Variants in MARCHF5 observed in about 807,000 individuals in gnomAD.
MARCHF5 encodes E3 ubiquitin-protein ligase MARCHF5.
MARCHF5 carries 5 observed loss-of-function variants against 36.5 expected under a neutral mutation model. The observed-to-expected ratio is 0.14, with a 90% CI of 0.07 to 0.29. The LOEUF is 0.29. Ranked by LOEUF, MARCHF5 falls within the 10% of genes least tolerant of loss-of-function variation. The probability of loss-of-function intolerance (pLI) is 1.00; values close to 1 mark genes in which losing one functional copy is unlikely to be tolerated. For missense variants in MARCHF5, 179 were observed against 336.3 expected (o/e 0.53, Z 3.66); for synonymous variants, 103 against 109.9 (o/e 0.94, Z 0.39).
At chr10:92,325,686 T>C (rs1439061673) in intron 2 of MARCHF5, among the ~76,000 whole-genome samples, 6 of 152,174 alleles carry the variant, frequency 3.9e-5, no homozygotes, top group Non-Finnish European at 7.4e-5. Flanking sequence ...TATTTATGTA[T>C]TATTTATTTG....
chr10:92,291,499 C>A lies in MARCHF5; in HGVS notation c.5C>A (p.Pro2Gln), dbSNP rs764695362. The A allele has an allele frequency of 9.0e-6, 14 of 1,548,428 alleles. No homozygotes were observed. In the South Asian group the frequency reaches 1.5e-4, roughly 17 times the overall value. Residue 2 changes from proline (P) to glutamine (Q), a missense_variant, in exon 1 of 6, where the codon CCG (proline) becomes CAG (glutamine). Physicochemically the swap from Pro to Gln is moderately conservative, Grantham distance 76. Around this residue, in one of 3 missense-constraint regions of MARCHF5, gnomAD observed 18 missense variants for 16.3 expected, o/e 1.11. Coordinates refer to ENST00000358935, the MANE Select transcript of MARCHF5 (RefSeq NM_017824.5). ...TGTGCGCCGGCTCCGCGGAAGATGC[C>A]GGACCAAGCCCTACAGCAGATGCTG... MPDQALQQMLDR... is the reference protein window; with the variant it reads MQDQALQQMLDR...
chr10:92,332,403 A>G (rs1843446262), intron 2 of MARCHF5, among the ~76,000 whole-genome samples: 1 of 152,080 alleles, frequency 6.6e-6, no homozygotes, highest in Non-Finnish European at 1.5e-5. Context: ...AACTTACATA[A>G]GCGACTTTTC....
intron 2 of MARCHF5, among the ~76,000 whole-genome samples, 186 bp from the exon 3 acceptor site, chr10:92,340,487 A>T (rs1295767505): frequency 6.6e-6 from 1 of 152,224 alleles, no homozygotes; most frequent in Non-Finnish European, 1.5e-5. Context: ...CAAGAGGATC[A>T]CTTGAACCCA....
rs1230121921 is a variant in MARCHF5 at position 92,317,035 on chromosome 10, AGAG to A, written c.238+5702_238+5704del. On this transcript the variant is annotated intron_variant, in intron 2 of 5. Transcript: ENST00000358935. The stretch of plus-strand genomic sequence containing the variant: ...TAACCTTGTTCAGGCAGAAGAATTC[AGAG>A]GAGAGCATCTCAAAGGTAGAGAGAT... Among the ~76,000 whole-genome samples, 12 of 152,320 alleles carry A rather than the reference AGAG, an allele frequency of 7.9e-5. No individual in the cohort carries two copies. The East Asian group carries it at 1.3e-3, about 17-fold the overall frequency.
rs1590637659 is a variant in MARCHF5 at position 92,291,386 on chromosome 10, G to C, written c.-109G>C. On this transcript the variant is annotated 5_prime_UTR_variant, in exon 1 of 6. Transcript: ENST00000358935. ...CCGGGAAGCTGGGTGACGGGTTCGC[G>C]GCTGCCGCCGGACTGCGGCCTACTC... 1.9e-6 allele frequency: 2 copies of C among 1,030,732 alleles called. No individual in the cohort carries two copies. The highest frequency in any genetic ancestry group is 5.5e-5 in the East Asian group (2 of 36,468). The allele number at this position is 1,030,732 out of a possible 1,614,324, so 63.8% of individuals were successfully genotyped here.
chr10:92,311,475 T>G, intron 2 of MARCHF5, 138 bp downstream of exon 2: 1 of 633,012 alleles, frequency 1.6e-6, no homozygotes, highest in East Asian at 2.8e-5. Context: ...CCTCTCTGAA[T>G]GTCAGACATT....
intron 2 of MARCHF5, among the ~76,000 whole-genome samples, chr10:92,328,818 TATA>T (rs1219561073): frequency 8.8e-4 from 67 of 76,502 alleles, no homozygotes; most frequent in African/African-American, 2.4e-3. Flanking sequence ...TATATATATA[TATA>T]TTTTTTTTTT....
intron 2 of MARCHF5, among the ~76,000 whole-genome samples, chr10:92,339,795 C>T (rs181569782): frequency 2.3e-4 from 35 of 152,240 alleles, no homozygotes; most frequent in South Asian, 6.2e-4. Context: ...GGCTTAGTGG[C>T]AGTCAGAATA....
intron 2 of MARCHF5, among the ~76,000 whole-genome samples, chr10:92,325,728 A>C (rs1027474919): frequency 5.9e-5 from 9 of 152,114 alleles, no homozygotes; most frequent in Non-Finnish European, 1.2e-4. Flanking sequence ...CACAGGCTGG[A>C]GTGCAGCTGC....
intron 2 of MARCHF5, among the ~76,000 whole-genome samples, chr10:92,317,022 G>C (rs1191851837): frequency 2.0e-5 from 3 of 152,086 alleles, no homozygotes; most frequent in Non-Finnish European, 2.9e-5. Context: ...ACCTTGTTCA[G>C]GCAGAAGAAT....
chr10:92,333,783 C>CA, intron 2 of MARCHF5, among the ~76,000 whole-genome samples: 1 of 152,108 alleles, frequency 6.6e-6, no homozygotes, highest in African/African-American at 2.4e-5. Flanking sequence ...AGACATGTAG[C>CA]AAAAAGACTT....
chr10:92,324,523 G>A (rs144262538), intron 2 of MARCHF5, among the ~76,000 whole-genome samples: 68 of 152,122 alleles, frequency 4.5e-4, no homozygotes, highest in African/African-American at 1.4e-3. Flanking sequence ...TACCACGCCC[G>A]GCTAATTTTT....
intron 1 of MARCHF5, among the ~76,000 whole-genome samples, chr10:92,299,559 A>G (rs1842988333): frequency 6.6e-6 from 1 of 152,174 alleles, no homozygotes; most frequent in Admixed American, 6.5e-5. Flanking sequence ...CCCCAAACAG[A>G]GTTAATAACT....
intron 2 of MARCHF5, among the ~76,000 whole-genome samples, chr10:92,337,709 G>A (rs1487820223): frequency 6.6e-6 from 1 of 152,020 alleles, no homozygotes; most frequent in Non-Finnish European, 1.5e-5. Context: ...GAGAAATTAT[G>A]TAGGATAGTG....
chr10:92,305,783 C>T (rs1186287075), intron 1 of MARCHF5, among the ~76,000 whole-genome samples: 2 of 152,080 alleles, frequency 1.3e-5, no homozygotes, highest in Non-Finnish European at 2.9e-5. Context: ...GGCTATTTTC[C>T]ATTTCAAAAG....
In MARCHF5 at chr10:92,338,308, T is replaced by G. The variant is rs374843019; in HGVS notation, c.239-2365T>G. 5.3e-5 allele frequency among the ~76,000 whole-genome samples: 8 copies of G among 152,260 alleles called. No individual in the cohort carries two copies. In the East Asian group the frequency reaches 7.7e-4, roughly 15 times the overall value. On this transcript the variant is annotated intron_variant, in intron 2 of 5. Coordinates refer to ENST00000358935, the MANE Select transcript of MARCHF5 (RefSeq NM_017824.5). Reference sequence around the variant, plus strand: ...GATCTTTGGTGACTAAGATGACTTTTATTGTGCTTTCTGAAGGAGTTATAA... The same window carrying G: ...GATCTTTGGTGACTAAGATGACTTTGATTGTGCTTTCTGAAGGAGTTATAA...
chr10:92,350,081 A>C, intron 5 of MARCHF5: 1 of 415,044 alleles, frequency 2.4e-6, no homozygotes, highest in Non-Finnish European at 4.3e-6. Flanking sequence ...ATGAATCATC[A>C]CACCTGTCCC....
intron 2 of MARCHF5, among the ~76,000 whole-genome samples, chr10:92,312,048 C>A (rs1843150565): frequency 6.6e-6 from 1 of 152,048 alleles, no homozygotes; most frequent in Admixed American, 6.6e-5. Context: ...TTATACCATG[C>A]CAGTTGTTAA....
intron 2 of MARCHF5, among the ~76,000 whole-genome samples, chr10:92,334,264 C>A (rs1018944281): frequency 1.1e-4 from 17 of 152,150 alleles, no homozygotes; most frequent in Non-Finnish European, 2.1e-4. Flanking sequence ...ACAGAAAAAA[C>A]ATGGGAACTT....
Sources: allele counts gnomAD v4.1 joint callset (sites outside exome capture counted in the v4.1 genomes callset), GRCh38; gene constraint gnomAD v4.1.1; regional missense constraint gnomAD v4.1.1; transcripts MANE v1.5; gene names NCBI Gene and HGNC (gene_info 2026-07-23, HGNC 2026-07-21).